The following SLC35F3 variants were observed in gnomAD, a reference collection of about 807,000 sequenced individuals.
SLC35F3 encodes the protein putative thiamine transporter SLC35F3.
SLC35F3 carries 25 observed loss-of-function variants against 49.9 expected under a neutral mutation model. The ratio of observed to expected loss-of-function variants is 0.50; its 90% CI spans 0.37 to 0.70. SLC35F3 has a LOEUF of 0.70. SLC35F3 is among the 30% of genes least tolerant of loss of function. The probability of loss-of-function intolerance (pLI) is 0.00; values close to 1 mark genes in which losing one functional copy is unlikely to be tolerated. For synonymous variants in SLC35F3, 275 were observed against 265.4 expected (o/e 1.04, Z -0.35); for missense variants, 525 against 639.8 (o/e 0.82, Z 1.94).
intron 2 of SLC35F3, among the ~76,000 whole-genome samples, chr1:234,011,828 C>T (rs897456396): frequency 6.6e-6 from 1 of 152,108 alleles, no homozygotes; most frequent in South Asian, 2.1e-4. Flanking sequence ...TGGCCTGCCC[C>T]TCCACACCTG....
intron 2 of SLC35F3, among the ~76,000 whole-genome samples, chr1:233,909,633 C>T (rs1661842102): frequency 6.6e-6 from 1 of 152,164 alleles, no homozygotes. Context: ...TTGGTTTGGC[C>T]CAGGGTTTCT....
chr1:234,301,906 G>A (rs190409690), intron 3 of SLC35F3, among the ~76,000 whole-genome samples: 1 of 152,310 alleles, frequency 6.6e-6, no homozygotes, highest in East Asian at 1.9e-4. Context: ...GGATGAAGCT[G>A]GAAGCCATCA....
chr1:233,948,719 G>A (rs1161468316), intron 2 of SLC35F3, among the ~76,000 whole-genome samples: 7 of 55,972 alleles, frequency 1.3e-4, no homozygotes, highest in African/African-American at 3.5e-4. Flanking sequence ...CCCCTCCCCC[G>A]ACCCCACAAC....
At chr1:233,908,263 T>G (rs1196648544) in intron 2 of SLC35F3, among the ~76,000 whole-genome samples, 1 of 152,088 alleles carries the variant, frequency 6.6e-6, no homozygotes, top group Non-Finnish European at 1.5e-5. Flanking sequence ...TATGTCACCT[T>G]TCAGTCATCT....
chr1:233,955,078 A>G (rs1377212221), intron 2 of SLC35F3, among the ~76,000 whole-genome samples: 5 of 152,062 alleles, frequency 3.3e-5, no homozygotes, highest in Non-Finnish European at 4.4e-5. Context: ...TCCTGAACTC[A>G]GGTGATCCAC....
chr1:234,035,510 T>C (rs2102850424), intron 2 of SLC35F3, among the ~76,000 whole-genome samples: 1 of 152,350 alleles, frequency 6.6e-6, no homozygotes, highest in East Asian at 1.9e-4. Flanking sequence ...TCAGTTTTAG[T>C]AAATCTTCTT....
Position 234,316,619 on chromosome 1 carries a change from C to T in SLC35F3, c.846C>T (p.Leu282=), listed in dbSNP as rs1159088857. The part of the protein sequence containing the change: ...FMGVRIVAAI[L]AIAGIVMMTY... ...CTGTCCAGATTGTGGCCGCCATCCT[C>T]GCCATCGCTGGCATTGTGATGATGA... Residue 282 remains leucine, a synonymous_variant, in exon 5 of 8, where the codon CTC becomes CTT. Coordinates refer to ENST00000366618, the MANE Select transcript of SLC35F3 (RefSeq NM_173508.4). 9 of 1,609,838 alleles carry T rather than the reference C, an allele frequency of 5.6e-6. No individual in the cohort carries two copies. The highest frequency in any genetic ancestry group is 2.2e-5 in the South Asian group (2 of 90,946).
At chr1:234,308,118 T>TAGA (rs1268507657) in intron 3 of SLC35F3, among the ~76,000 whole-genome samples, 3 of 152,222 alleles carry the variant, frequency 2.0e-5, no homozygotes, top group African/African-American at 7.2e-5. Flanking sequence ...TTGGATCTGC[T>TAGA]TATTCTTCCT....
intron 2 of SLC35F3, among the ~76,000 whole-genome samples, chr1:234,063,012 T>G (rs918870984): frequency 6.6e-6 from 1 of 151,980 alleles, no homozygotes; most frequent in Non-Finnish European, 1.5e-5. Context: ...TAATCAAGGT[T>G]CTGTGTGTGG....
chr1:234,251,355 T>C (rs1237601589), intron 3 of SLC35F3, among the ~76,000 whole-genome samples: 1 of 151,828 alleles, frequency 6.6e-6, no homozygotes, highest in Non-Finnish European at 1.5e-5. Flanking sequence ...TGATTTTCAA[T>C]TAGGAGATCA....
At chr1:234,125,381 G>A (rs911624757) in intron 2 of SLC35F3, among the ~76,000 whole-genome samples, 4 of 152,092 alleles carry the variant, frequency 2.6e-5, no homozygotes, top group African/African-American at 9.7e-5. Flanking sequence ...TCCAGGACCC[G>A]GGCTGACGGA....
At chr1:234,259,194 C>G (rs539575378) in intron 3 of SLC35F3, among the ~76,000 whole-genome samples, 168 of 152,276 alleles carry the variant, frequency 1.1e-3, no homozygotes, top group Non-Finnish European at 1.9e-3. Flanking sequence ...ACTCCTTCTC[C>G]CTGGAAGATT....
chr1:234,226,910 T>C (rs1217729377), intron 2 of SLC35F3, among the ~76,000 whole-genome samples: 2 of 151,650 alleles, frequency 1.3e-5, no homozygotes, highest in African/African-American at 4.9e-5. Context: ...CCATGGAGTA[T>C]ATAAAGTGCA....
intron 2 of SLC35F3, among the ~76,000 whole-genome samples, chr1:234,143,288 C>CTTTCTT (rs1665947705): frequency 8.1e-6 from 1 of 123,564 alleles, no homozygotes; most frequent in African/African-American, 3.5e-5. Flanking sequence ...CTTTTCTTTT[C>CTTTCTT]TTTTTTTTTT....
intron 2 of SLC35F3, among the ~76,000 whole-genome samples, chr1:234,175,246 T>C (rs1373775882): frequency 1.3e-5 from 2 of 152,318 alleles, no homozygotes; most frequent in Admixed American, 1.3e-4. Context: ...CCTGGGAAAA[T>C]CCTCTTCATT....
rs142431274 is a variant in SLC35F3, at chr1:233,932,017, A to C, written c.283+26259A>C. Among the ~76,000 whole-genome samples, 932 of 152,308 alleles carry C rather than the reference A, an allele frequency of 6.1e-3. 10 individuals are homozygous for C. Among genetic ancestry groups the C allele is most frequent in the African/African-American group, 0.021 (877 of 41,562 alleles). On this transcript the variant is annotated intron_variant, in intron 2 of 7. Transcript: ENST00000366618. ...AGGGATATGGATGAAGCTGGAAACT[A>C]TCATTCTGAGCAAACTATCACAAGA...
chr1:234,125,959 G>C (rs1327748923), intron 2 of SLC35F3, among the ~76,000 whole-genome samples: 2 of 152,188 alleles, frequency 1.3e-5, no homozygotes, highest in Admixed American at 1.3e-4. Context: ...CCGCGCACTA[G>C]CTCTGCAATC....
At chr1:234,101,349 A>T (rs1665210528) in intron 2 of SLC35F3, among the ~76,000 whole-genome samples, 1 of 152,144 alleles carries the variant, frequency 6.6e-6, no homozygotes, top group Admixed American at 6.5e-5. Flanking sequence ...TAAAAGAAAC[A>T]TGGCACCATG....
chr1:234,047,853 A>G (rs548137743), intron 2 of SLC35F3, among the ~76,000 whole-genome samples: 5 of 152,306 alleles, frequency 3.3e-5, no homozygotes, highest in African/African-American at 9.6e-5. Context: ...GTTAACGATG[A>G]TTCTGGTGAG....
Sources: gnomAD v4.1 joint callset for allele counts (sites outside exome capture counted in the v4.1 genomes callset) on GRCh38, gnomAD v4.1.1 for gene constraint, MANE v1.5 for transcripts, NCBI Gene and HGNC (gene_info 2026-07-23, HGNC 2026-07-21) for gene names.